Variants in PLPP3 observed in about 807,000 individuals in gnomAD.
PLPP3 encodes phospholipid phosphatase 3.
A neutral mutation model predicts 29.6 loss-of-function variants in PLPP3; 6 were observed. The observed-to-expected ratio is 0.20, with a 90% CI of 0.11 to 0.40. The LOEUF (loss-of-function observed/expected upper bound fraction) is 0.40, where lower values mean the gene tolerates loss of function less well. Ranked by LOEUF, PLPP3 falls within the 10% of genes least tolerant of loss-of-function variation. The probability of loss-of-function intolerance (pLI) is 1.00; values close to 1 mark genes in which losing one functional copy is unlikely to be tolerated. For synonymous variants in PLPP3, 152 were observed against 159.7 expected (o/e 0.95, Z 0.36); for missense variants, 308 against 407.7 (o/e 0.76, Z 2.11).
At chr1:56,559,556 A>ATG (rs371099796) in intron 1 of PLPP3, among the ~76,000 whole-genome samples, 4 of 145,194 alleles carry the variant, frequency 2.8e-5, no homozygotes, top group Non-Finnish European at 4.5e-5. Flanking sequence ...CCAGCCTTGA[A>ATG]TTTTTTTTTT....
intron 1 of PLPP3, among the ~76,000 whole-genome samples, chr1:56,554,485 T>C (rs1302583255): frequency 6.7e-6 from 1 of 149,376 alleles, no homozygotes; most frequent in African/African-American, 2.5e-5. Context: ...GGCAGGAGAA[T>C]GGCGTGAACC....
At chr1:56,550,062 T>C (rs545603993) in intron 1 of PLPP3, among the ~76,000 whole-genome samples, 1 of 152,138 alleles carries the variant, frequency 6.6e-6, no homozygotes, top group Non-Finnish European at 1.5e-5. Flanking sequence ...TCCGGCTGAC[T>C]TTCCATGGAA....
Position 56,496,323 on chromosome 1 carries a change from A to G in PLPP3, c.*228T>C. ...CACTAGAACATGAACACTTAAACCA[A>G]TTGCACATCCAGGACTCTGGCACTT... On this transcript the variant is annotated 3_prime_UTR_variant, in exon 6 of 6. Transcript: ENST00000371250. 2.3e-6 allele frequency: 1 copy of G among 440,834 alleles called. No homozygotes were observed. The highest frequency in any genetic ancestry group is 4.2e-6 in the Non-Finnish European group (1 of 240,760). 27.3% of individuals were successfully genotyped at this position (440,834 alleles called of 1,614,324 possible).
chr1:56,552,424 TA>T lies in PLPP3; in HGVS notation c.140-15313del, dbSNP rs1288234461. Among the ~76,000 whole-genome samples the T allele has an allele frequency of 7.2e-5, 11 of 152,190 alleles. No homozygotes were observed. In the East Asian group the frequency reaches 1.4e-3, roughly 19 times the overall value. On this transcript the variant is annotated intron_variant, in intron 1 of 5. Transcript: ENST00000371250. ...AATTTCATTTTTAAATAAAAGGGCT[TA>T]AAAAAATTGATATATAATTTACATA... is the stretch of plus-strand genomic sequence containing the variant.
intron 1 of PLPP3, among the ~76,000 whole-genome samples, chr1:56,575,042 G>C (rs1157078133): frequency 6.6e-6 from 1 of 152,188 alleles, no homozygotes; most frequent in African/African-American, 2.4e-5. Context: ...GATTCACAGA[G>C]CTAATATATA....
At chr1:56,578,221 A>C (rs1646249217) in intron 1 of PLPP3, among the ~76,000 whole-genome samples, 1 of 152,160 alleles carries the variant, frequency 6.6e-6, no homozygotes, top group South Asian at 2.1e-4. Context: ...CCCCTGCTGC[A>C]CCGAGTCAGA....
intron 1 of PLPP3, among the ~76,000 whole-genome samples, chr1:56,552,119 A>G (rs751100894): frequency 6.6e-6 from 1 of 152,132 alleles, no homozygotes; most frequent in Non-Finnish European, 1.5e-5. Context: ...TCCAGACCTG[A>G]AGGCTAAGGC....
chr1:56,529,870 G>T (rs182260055), intron 2 of PLPP3, among the ~76,000 whole-genome samples: 1 of 152,066 alleles, frequency 6.6e-6, no homozygotes, highest in Admixed American at 6.5e-5. Flanking sequence ...CCAATATCTA[G>T]AATAAAGACA....
In PLPP3 at chr1:56,536,527, G is replaced by C. The variant is rs116409876; in HGVS notation, c.297+428C>G. Among the ~76,000 whole-genome samples, 324 of 152,292 alleles carry C rather than the reference G, an allele frequency of 2.1e-3. 2 individuals carry two copies. Among genetic ancestry groups the C allele is most frequent in the African/African-American group, 7.3e-3 (304 of 41,568 alleles). ...TACAACCAACCTCCAGAGTGGGCAA[G>C]TCAAAAGAAAACTACATGAAATGTG... On this transcript the variant is annotated intron_variant, in intron 2 of 5. Transcript: ENST00000371250.
At chr1:56,575,519 A>G (rs2100314745) in intron 1 of PLPP3, among the ~76,000 whole-genome samples, 1 of 152,176 alleles carries the variant, frequency 6.6e-6, no homozygotes, top group East Asian at 1.9e-4. Flanking sequence ...GACCAACTTT[A>G]TTTTTCTGCT....
At chr1:56,544,298 G>GGGC (rs1357790529) in intron 1 of PLPP3, among the ~76,000 whole-genome samples, 1 of 152,112 alleles carries the variant, frequency 6.6e-6, no homozygotes. Flanking sequence ...GCAACTCATG[G>GGGC]TTCATATCTT....
chr1:56,505,360 A>G (rs1368223675), intron 5 of PLPP3, among the ~76,000 whole-genome samples: 1 of 152,246 alleles, frequency 6.6e-6, no homozygotes, highest in East Asian at 1.9e-4. Context: ...TGGCAGGAAT[A>G]TAACTTCCTC....
rs80003780 is a variant in PLPP3, at chr1:56,497,995, A to G, written c.811-1319T>C. Among the ~76,000 whole-genome samples the G allele has an allele frequency of 1.4e-3, 208 of 152,128 alleles. 4 individuals are homozygous for G. Among genetic ancestry groups the G allele is most frequent in the East Asian group, 2.1e-3 (11 of 5,178 alleles). ...ACCTGTTGTACCTTTTGAATTTTGT[A>G]CCCATTGCATATATTACCTACCAAA... is the stretch of plus-strand genomic sequence containing the variant. On this transcript the variant is annotated intron_variant, in intron 5 of 5. Transcript: ENST00000371250.
chr1:56,548,830 C>A (rs1192624976), intron 1 of PLPP3, among the ~76,000 whole-genome samples: 1 of 151,890 alleles, frequency 6.6e-6, no homozygotes, highest in Non-Finnish European at 1.5e-5. Flanking sequence ...TTGAAATACT[C>A]CTTGCTGTCA....
chr1:56,544,111 C>T (rs747260548), intron 1 of PLPP3, among the ~76,000 whole-genome samples: 5 of 152,114 alleles, frequency 3.3e-5, no homozygotes, highest in Admixed American at 6.5e-5. Context: ...TCACCATGGG[C>T]GTTAAAAAGA....
chr1:56,496,781 C>T, intron 5 of PLPP3, 105 bp from the exon 6 acceptor site: 1 of 1,155,486 alleles, frequency 8.7e-7, no homozygotes. Context: ...AAAGGGGCCC[C>T]AAATCATAAC....
intron 5 of PLPP3, among the ~76,000 whole-genome samples, chr1:56,504,299 G>A (rs1009873003): frequency 4.0e-5 from 6 of 151,872 alleles, no homozygotes; most frequent in African/African-American, 7.3e-5. Context: ...ACCCGCCCCC[G>A]CCCTTTAAAG....
intron 5 of PLPP3, among the ~76,000 whole-genome samples, chr1:56,498,130 C>T (rs955578996): frequency 4.6e-5 from 7 of 151,800 alleles, no homozygotes; most frequent in East Asian, 1.9e-4. Flanking sequence ...AATACATTCA[C>T]AGTTTGAGTG....
rs1284120923 is a variant in PLPP3 at position 56,524,859 on chromosome 1, GAACTT to G, written c.298-310_298-306del. Among the ~76,000 whole-genome samples, 1 of 151,204 alleles carries G rather than the reference GAACTT, an allele frequency of 6.6e-6. No individual in the cohort carries two copies. The highest frequency in any genetic ancestry group is 1.9e-4 in the East Asian group (1 of 5,144). On this transcript the variant is annotated intron_variant, in intron 2 of 5. Coordinates refer to ENST00000371250, the MANE Select transcript of PLPP3 (RefSeq NM_003713.5). The surrounding 1 kb of genome is among the most constrained non-coding windows in gnomAD (Gnocchi z 4.3). ...ATCTTTTTTTTTAAGGGAGAGACAA[GAACTT>G]AACTATAGAAAAGAAATACTAAATG...
Sources: allele counts gnomAD v4.1 joint callset (sites outside exome capture counted in the v4.1 genomes callset), GRCh38; gene constraint gnomAD v4.1.1; non-coding constraint Gnocchi (gnomAD v3.1); transcripts MANE v1.5; gene names NCBI Gene and HGNC (gene_info 2026-07-23, HGNC 2026-07-21).